Variants in GPM6A observed in about 807,000 individuals in gnomAD.
GPM6A encodes glycoprotein M6A.
GPM6A carries 7 observed loss-of-function variants against 32.1 expected under a neutral mutation model. The observed-to-expected ratio is 0.22, with a 90% CI of 0.12 to 0.41. The LOEUF (loss-of-function observed/expected upper bound fraction) is 0.41, where lower values mean the gene tolerates loss of function less well. Ranked by LOEUF, GPM6A falls within the 10% of genes least tolerant of loss-of-function variation. The pLI is 1.00. For missense variants in GPM6A, 235 were observed against 347.2 expected (o/e 0.68, Z 2.57); for synonymous variants, 130 against 123.4 (o/e 1.05, Z -0.35).
intron 1 of GPM6A, among the ~76,000 whole-genome samples, chr4:175,898,253 C>A (rs1737854628): frequency 6.6e-6 from 1 of 152,154 alleles, no homozygotes; most frequent in South Asian, 2.1e-4. Flanking sequence ...TATATCACTT[C>A]AGTGGTTCAT....
intron 1 of GPM6A, among the ~76,000 whole-genome samples, chr4:175,849,100 T>G (rs1464694700): frequency 6.6e-6 from 1 of 152,070 alleles, no homozygotes; most frequent in African/African-American, 2.4e-5. Flanking sequence ...GATTTAAGAG[T>G]GTAAAAATGT....
At chr4:175,981,163 G>A (rs1268480179) in intron 1 of GPM6A, among the ~76,000 whole-genome samples, 1 of 151,770 alleles carries the variant, frequency 6.6e-6, no homozygotes, top group African/African-American at 2.4e-5. Flanking sequence ...TTATTTGGTG[G>A]AAAAAAGCAT....
At chr4:175,807,433 G>A (rs1180019429) in intron 1 of GPM6A, 1 of 152,164 alleles carries the variant, frequency 6.6e-6, no homozygotes, top group Non-Finnish European at 1.5e-5. Context: ...TTTACTTAGA[G>A]GTCTTTCGAT....
At chr4:175,668,519 A>ATGTGTGTGTGTG (rs56106172) in intron 3 of GPM6A, among the ~76,000 whole-genome samples, 85 of 139,332 alleles carry the variant, frequency 6.1e-4, no homozygotes, top group South Asian at 2.0e-3. Context: ...TCAAACGTTT[A>ATGTGTGTGTGTG]TGTGTGTGTG....
At chr4:175,637,326 A>ATG (rs1292818095) in intron 6 of GPM6A, among the ~76,000 whole-genome samples, 1 of 79,610 alleles carries the variant, frequency 1.3e-5, no homozygotes, top group African/African-American at 5.0e-5. Flanking sequence ...TAAAATATAT[A>ATG]TTATATATTA....
intron 1 of GPM6A, among the ~76,000 whole-genome samples, chr4:175,787,072 T>C (rs1013740195): frequency 6.6e-6 from 1 of 152,158 alleles, no homozygotes; most frequent in Non-Finnish European, 1.5e-5. Context: ...TTCCTTTGTT[T>C]TTCTATTTCT....
At chr4:175,842,560 A>C (rs1735972741) in intron 1 of GPM6A, among the ~76,000 whole-genome samples, 1 of 152,084 alleles carries the variant, frequency 6.6e-6, no homozygotes, top group Admixed American at 6.6e-5. Flanking sequence ...TTGTCTCTAC[A>C]AAAAATAAAA....
chr4:175,672,779 A>C (rs762579226), intron 3 of GPM6A, among the ~76,000 whole-genome samples: 16 of 152,182 alleles, frequency 1.1e-4, no homozygotes, highest in Non-Finnish European at 1.5e-4. Flanking sequence ...AATTCCAGAG[A>C]CCACTACAAA....
chr4:175,892,925 A>G (rs1737690179), intron 1 of GPM6A, among the ~76,000 whole-genome samples: 2 of 152,166 alleles, frequency 1.3e-5, no homozygotes, highest in Admixed American at 6.5e-5. Context: ...ATCATGCCAG[A>G]CACTCTGTTG....
intron 1 of GPM6A, among the ~76,000 whole-genome samples, chr4:175,956,126 C>T (rs934474143): frequency 1.3e-5 from 2 of 152,130 alleles, no homozygotes; most frequent in African/African-American, 4.8e-5. Context: ...CTACAATATA[C>T]ATTAGAAGAA....
At chr4:175,900,790 G>A (rs953816639) in intron 1 of GPM6A, among the ~76,000 whole-genome samples, 3 of 152,068 alleles carry the variant, frequency 2.0e-5, no homozygotes, top group Admixed American at 2.0e-4. Context: ...CCAAATAAAG[G>A]AAATCAGTAT....
intron 1 of GPM6A, among the ~76,000 whole-genome samples, chr4:175,877,598 C>T (rs1054875172): frequency 6.6e-6 from 1 of 152,150 alleles, no homozygotes; most frequent in African/African-American, 2.4e-5. Flanking sequence ...AGAACTCATT[C>T]ACACATCAGA....
intron 1 of GPM6A, among the ~76,000 whole-genome samples, chr4:175,720,918 T>G (rs1746083167): frequency 6.6e-6 from 1 of 151,548 alleles, no homozygotes; most frequent in East Asian, 1.9e-4. Flanking sequence ...TGCTGAGGTG[T>G]GATGAAAAGA....
At chr4:175,961,863 G>C (rs1740175239) in intron 1 of GPM6A, among the ~76,000 whole-genome samples, 1 of 152,172 alleles carries the variant, frequency 6.6e-6, no homozygotes. Flanking sequence ...CACCTAAGCA[G>C]GGAAGGTACC....
At chr4:175,668,429 G>GA (rs146739589) in intron 3 of GPM6A, among the ~76,000 whole-genome samples, 6,912 of 150,636 alleles carry the variant, frequency 0.046, 183 homozygotes, top group Non-Finnish European at 0.061. Context: ...TTAAAATCTG[G>GA]AAAAAAAAAT....
At chr4:175,947,398 A>G (rs2126363411) in intron 1 of GPM6A, among the ~76,000 whole-genome samples, 1 of 152,130 alleles carries the variant, frequency 6.6e-6, no homozygotes, top group Non-Finnish European at 1.5e-5. Context: ...TAAGTATAAT[A>G]TTTCTTAAGT....
chr4:175,658,815 G>T (rs916569884), intron 3 of GPM6A, among the ~76,000 whole-genome samples: 7 of 152,234 alleles, frequency 4.6e-5, no homozygotes, highest in Non-Finnish European at 5.9e-5. Flanking sequence ...ATGTTAATAC[G>T]ATCTAAGTGT....
At chr4:175,929,055 G>T (rs1202699835) in intron 1 of GPM6A, among the ~76,000 whole-genome samples, 2 of 152,138 alleles carry the variant, frequency 1.3e-5, no homozygotes, top group African/African-American at 2.4e-5. Flanking sequence ...TAAATCTAAG[G>T]TTTATGTGGA....
chr4:175,752,634 A>AATATCCACT (rs1236894369), intron 1 of GPM6A, among the ~76,000 whole-genome samples: 2 of 152,148 alleles, frequency 1.3e-5, no homozygotes, highest in Non-Finnish European at 2.9e-5. Context: ...GACTGCTAAG[A>AATATCCACT]ATATCCACTT....
Sources: allele counts gnomAD v4.1 joint callset (sites outside exome capture counted in the v4.1 genomes callset), GRCh38; gene constraint gnomAD v4.1.1; transcripts MANE v1.5; gene names NCBI Gene and HGNC (gene_info 2026-07-23, HGNC 2026-07-21).